The following DNAJC1 variants were observed in gnomAD, a reference collection of about 807,000 sequenced individuals.
The protein encoded by DNAJC1 is DnaJ heat shock protein family (Hsp40) member C1.
Under a neutral mutation model 76.6 loss-of-function variants are expected in DNAJC1, and 58 were observed. The ratio of observed to expected loss-of-function variants is 0.76; its 90% CI spans 0.61 to 0.94. DNAJC1 has a LOEUF of 0.94. Among genes scored for constraint, DNAJC1 ranks in the 40% least tolerant of loss-of-function variants. The probability of loss-of-function intolerance (pLI) is 0.00; values close to 1 mark genes in which losing one functional copy is unlikely to be tolerated. For missense variants in DNAJC1, 689 were observed against 677.3 expected (o/e 1.02, Z -0.19); for synonymous variants, 258 against 267.9 (o/e 0.96, Z 0.36).
chr10:21,805,898 G>A lies in DNAJC1; in HGVS notation c.1098+82C>T. ...TGTATCCCCTCCCCAAAGATACTGTGGAACCCATCTATGTCTGCCTTCTAC... is the reference window on the plus strand; with the variant it reads ...TGTATCCCCTCCCCAAAGATACTGTAGAACCCATCTATGTCTGCCTTCTAC... On this transcript the variant is annotated intron_variant, in intron 9 of 11. Transcript: ENST00000376980. 2.6e-6 allele frequency: 4 copies of A among 1,564,072 alleles called. No individual in the cohort carries two copies. The East Asian group carries it at 9.0e-5, about 35-fold the overall frequency.
chr10:21,863,059 G>T (rs191712010), intron 8 of DNAJC1, among the ~76,000 whole-genome samples: 36 of 152,180 alleles, frequency 2.4e-4, no homozygotes, highest in African/African-American at 8.2e-4. Flanking sequence ...TTGAACCCGG[G>T]AGGCGGAGGT....
intron 10 of DNAJC1, among the ~76,000 whole-genome samples, chr10:21,764,634 T>A (rs951584147): frequency 1.3e-5 from 2 of 152,214 alleles, no homozygotes; most frequent in African/African-American, 4.8e-5. Flanking sequence ...AAGCACAGCT[T>A]TATGGCTTAA....
intron 8 of DNAJC1, among the ~76,000 whole-genome samples, chr10:21,869,752 T>C (rs929422221): frequency 6.6e-6 from 1 of 152,102 alleles, no homozygotes; most frequent in Admixed American, 6.6e-5. Flanking sequence ...AATAAATCTA[T>C]AGGTGATGAA....
At chr10:21,912,025 G>A (rs1276236582) in intron 6 of DNAJC1, among the ~76,000 whole-genome samples, 1 of 151,938 alleles carries the variant, frequency 6.6e-6, no homozygotes, top group African/African-American at 2.4e-5. Flanking sequence ...CCTTATGATG[G>A]GCTTATCAGG....
intron 1 of DNAJC1, among the ~76,000 whole-genome samples, chr10:21,945,834 T>C (rs1837495219): frequency 6.6e-6 from 1 of 152,156 alleles, no homozygotes; most frequent in Non-Finnish European, 1.5e-5. Context: ...ACTGGTAAGC[T>C]AGTTTGTACA....
chr10:21,805,752 G>A (rs149634826), intron 9 of DNAJC1, among the ~76,000 whole-genome samples: 1 of 152,130 alleles, frequency 6.6e-6, no homozygotes, highest in Non-Finnish European at 1.5e-5. Context: ...GGTTACAGTA[G>A]CTTAAGTCTC....
intron 9 of DNAJC1, among the ~76,000 whole-genome samples, chr10:21,799,214 A>G: frequency 6.6e-6 from 1 of 152,240 alleles, no homozygotes; most frequent in African/African-American, 2.4e-5. Context: ...ACTCTGTAGT[A>G]TAATTAAATT....
chr10:21,904,324 A>G (rs1836707571), intron 7 of DNAJC1, among the ~76,000 whole-genome samples, 198 bp downstream of exon 7: 1 of 152,108 alleles, frequency 6.6e-6, no homozygotes, highest in Non-Finnish European at 1.5e-5. Flanking sequence ...TCTGATATCA[A>G]ACTTTGGGTG....
intron 9 of DNAJC1, among the ~76,000 whole-genome samples, chr10:21,798,035 CA>C (rs1834767874): frequency 6.6e-6 from 1 of 152,160 alleles, no homozygotes; most frequent in Non-Finnish European, 1.5e-5. Context: ...AGCTTTTTAA[CA>C]AAAGCAGTAC....
At chr10:21,815,318 G>A (rs778354638) in intron 8 of DNAJC1, among the ~76,000 whole-genome samples, 14 of 152,118 alleles carry the variant, frequency 9.2e-5, no homozygotes, top group Admixed American at 7.2e-4. Flanking sequence ...ACTCTCTGCC[G>A]GGGGTTGTTC....
At chr10:21,996,349 TAC>T (rs1838415238) in intron 1 of DNAJC1, among the ~76,000 whole-genome samples, 1 of 152,222 alleles carries the variant, frequency 6.6e-6, no homozygotes, top group Admixed American at 6.5e-5. Context: ...AAAGGTTTAT[TAC>T]AGACACTAGG....
chr10:21,915,765 A>G (rs185030909), intron 6 of DNAJC1, among the ~76,000 whole-genome samples: 3 of 152,016 alleles, frequency 2.0e-5, no homozygotes, highest in Non-Finnish European at 2.9e-5. Flanking sequence ...ATGAAAACCA[A>G]GTTGAATGCT....
At chr10:21,916,765 G>A (rs936834378) in intron 6 of DNAJC1, among the ~76,000 whole-genome samples, 3 of 152,054 alleles carry the variant, frequency 2.0e-5, no homozygotes, top group South Asian at 2.1e-4. Flanking sequence ...ATCTAATCCT[G>A]AGAGCAACTG....
chr10:21,829,990 T>G (rs1159115855), intron 8 of DNAJC1, among the ~76,000 whole-genome samples: 1 of 152,220 alleles, frequency 6.6e-6, no homozygotes, highest in Non-Finnish European at 1.5e-5. Context: ...CTAACAAATC[T>G]AAAGTAAATC....
intron 8 of DNAJC1, among the ~76,000 whole-genome samples, chr10:21,843,906 A>G (rs948265524): frequency 5.9e-5 from 9 of 152,086 alleles, no homozygotes. Flanking sequence ...TTGAATTGTA[A>G]TAATCCCCAC....
chr10:21,906,525 G>A (rs1324874606), intron 6 of DNAJC1, among the ~76,000 whole-genome samples: 1 of 152,138 alleles, frequency 6.6e-6, no homozygotes, highest in Non-Finnish European at 1.5e-5. Flanking sequence ...TCCTTGAGGG[G>A]AGTAGGAAAT....
intron 9 of DNAJC1, among the ~76,000 whole-genome samples, chr10:21,774,763 C>T (rs918243750): frequency 2.0e-5 from 3 of 152,208 alleles, no homozygotes; most frequent in Non-Finnish European, 2.9e-5. Flanking sequence ...AGGCATGAGC[C>T]ACCGCGCCCG....
chr10:21,791,494 A>G lies in DNAJC1; in HGVS notation c.1098+14486T>C, dbSNP rs982556317. ...TCCAGGACAGACCACATGTTACGCC[A>G]CAAAACAAGTCTCAACAAATTTTTA... On this transcript the variant is annotated intron_variant, in intron 9 of 11. Coordinates refer to ENST00000376980, the MANE Select transcript of DNAJC1 (RefSeq NM_022365.4). 3.9e-5 allele frequency among the ~76,000 whole-genome samples: 6 copies of G among 152,344 alleles called. No individual in the cohort carries two copies. In the South Asian group the frequency reaches 6.2e-4, roughly 16 times the overall value.
At chr10:21,827,536 A>G (rs1434556889) in intron 8 of DNAJC1, among the ~76,000 whole-genome samples, 2 of 152,142 alleles carry the variant, frequency 1.3e-5, no homozygotes, top group East Asian at 3.9e-4. Flanking sequence ...CTGAGGGAGA[A>G]TCTGTTCCAC....
Sources: gnomAD v4.1 joint callset for allele counts (sites outside exome capture counted in the v4.1 genomes callset) on GRCh38, gnomAD v4.1.1 for gene constraint, MANE v1.5 for transcripts, NCBI Gene and HGNC (gene_info 2026-07-23, HGNC 2026-07-21) for gene names.